ATM: variants seen among roughly 807,000 people sequenced by gnomAD.
The protein encoded by ATM is ATM serine/threonine kinase.
ATM carries 308 observed loss-of-function variants against 387.0 expected under a neutral mutation model. The ratio of observed to expected loss-of-function variants is 0.80; its 90% CI spans 0.73 to 0.87. The LOEUF (loss-of-function observed/expected upper bound fraction) is 0.87. Among genes scored for constraint, ATM ranks in the 40% least tolerant of loss-of-function variants. The probability of loss-of-function intolerance (pLI) is 0.00; values close to 1 mark genes in which losing one functional copy is unlikely to be tolerated. For synonymous variants in ATM, 1,156 were observed against 1,187.3 expected, an observed-to-expected ratio of 0.97 and a Z score of 0.54; for missense variants, 3,312 against 3,560.9, an observed-to-expected ratio of 0.93 and a Z score of 1.78.
intron 37 of ATM, among the ~76,000 whole-genome samples, 181 bp downstream of exon 37, chr11:108,305,033 A>C (rs1197914633): frequency 6.6e-6 from 1 of 152,192 alleles, no homozygotes; most frequent in African/African-American, 2.4e-5. Flanking sequence ...CAATGAAATA[A>C]TGTGTGTAAA....
At chr11:108,326,011 G>T (rs763159103) in intron 46 of ATM, 47 bp from the exon 47 acceptor site, 9 of 1,587,086 alleles carry the variant, frequency 5.7e-6, no homozygotes. Context: ...CATGGTAGTA[G>T]TATCAGTAGT....
intron 57 of ATM, among the ~76,000 whole-genome samples, chr11:108,345,502 A>G (rs900503254): frequency 6.6e-6 from 1 of 152,174 alleles, no homozygotes; most frequent in African/African-American, 2.4e-5. Context: ...TTAGAATTTA[A>G]TCAAAACAAG....
At chr11:108,327,360 T>C in intron 47 of ATM, 1 of 347,696 alleles carries the variant, frequency 2.9e-6, no homozygotes, top group South Asian at 2.9e-5. Context: ...GAGAATTAAA[T>C]GAGTTAATAT....
chr11:108,277,645 AC>A (rs1359819525), intron 22 of ATM, among the ~76,000 whole-genome samples: 1 of 150,898 alleles, frequency 6.6e-6, no homozygotes, highest in Non-Finnish European at 1.5e-5. Context: ...GAGTTCCCCG[AC>A]CCCTTGTGCT....
At position 108,246,960 on chromosome 11, in the gene ATM, A is replaced by C; in HGVS notation, c.902-4A>C. 6.2e-7 allele frequency: 1 copy of C among 1,605,746 alleles called. No individual in the cohort carries two copies. Among genetic ancestry groups the C allele is most frequent in the Non-Finnish European group, 8.5e-7 (1 of 1,174,028 alleles). ...AAATTACATTTTAATTTTTTGGATT[A>C]CAGGTGCTTATGAATCAACAAAATG... On this transcript the variant is annotated splice_polypyrimidine_tract_variant and splice_region_variant and intron_variant, in intron 7 of 62. Coordinates refer to ENST00000675843, the MANE Select transcript of ATM (RefSeq NM_000051.4).
At chr11:108,292,131 A>C (rs1449319175) in intron 29 of ATM, among the ~76,000 whole-genome samples, 1 of 152,236 alleles carries the variant, frequency 6.6e-6, no homozygotes, top group African/African-American at 2.4e-5. Context: ...GGTTCCAGAC[A>C]GGTTAGAATA....
At chr11:108,358,763 C>A (rs1042740462) in intron 61 of ATM, among the ~76,000 whole-genome samples, 8 of 148,110 alleles carry the variant, frequency 5.4e-5, no homozygotes, top group Admixed American at 2.7e-4. Context: ...TTTGTCACCA[C>A]CAGGCCTACC....
chr11:108,227,272 A>T (rs1010936091), intron 1 of ATM: 1 of 200,672 alleles, frequency 5.0e-6, no homozygotes. Flanking sequence ...TGGCCTCCCA[A>T]AGTGCTGGGA....
chr11:108,265,343 T>A (rs2081165293), intron 16 of ATM, among the ~76,000 whole-genome samples: 1 of 152,142 alleles, frequency 6.6e-6, no homozygotes, highest in Non-Finnish European at 1.5e-5. Flanking sequence ...TCTACAACTA[T>A]CTGCTCTTTG....
intron 16 of ATM, among the ~76,000 whole-genome samples, chr11:108,266,469 A>G: frequency 7.9e-6 from 1 of 126,048 alleles, no homozygotes. Context: ...GGAATATCAC[A>G]CTCTGTGGAC....
At chr11:108,328,235 C>T (rs150654370) in intron 48 of ATM, among the ~76,000 whole-genome samples, 1 of 152,014 alleles carries the variant, frequency 6.6e-6, no homozygotes, top group East Asian at 1.9e-4. Flanking sequence ...ACACATGATG[C>T]GATTGTCTTT....
At chr11:108,323,384 C>G (rs1053372634) in intron 45 of ATM, among the ~76,000 whole-genome samples, 1 of 151,882 alleles carries the variant, frequency 6.6e-6, no homozygotes. Flanking sequence ...ATGGTAGTAA[C>G]CAGAGGCAGG....
chr11:108,295,404 A>G (rs1192562446), intron 32 of ATM: 1 of 274,296 alleles, frequency 3.6e-6, no homozygotes, highest in Non-Finnish European at 7.0e-6. Flanking sequence ...ATAACTTACT[A>G]TGACCTTGAA....
At chr11:108,295,156 T>G in intron 32 of ATM, 97 bp downstream of exon 32, 1 of 1,489,602 alleles carries the variant, frequency 6.7e-7, no homozygotes, top group Non-Finnish European at 9.3e-7. Flanking sequence ...ACAGACTTAG[T>G]TCAGACTCTC....
rs2087666965 is a variant in ATM at position 108,342,182 on chromosome 11, GA to G, written c.8269-1038del. On this transcript the variant is annotated intron_variant, in intron 56 of 62. Transcript: ENST00000675843. ...GGCAATTCTTCCAGTGTGGCCCAGG[GA>G]ATCCAAAAGATTGGACACCCCTGCC... 2.6e-5 allele frequency among the ~76,000 whole-genome samples: 4 copies of G among 152,182 alleles called. No individual in the cohort carries two copies. In the South Asian group the frequency reaches 8.3e-4, roughly 32 times the overall value.
chr11:108,359,023 C>G (rs1288175421), intron 61 of ATM, among the ~76,000 whole-genome samples: 1 of 150,184 alleles, frequency 6.7e-6, no homozygotes, highest in African/African-American at 2.4e-5. Context: ...GAGTCAAGAC[C>G]CATCAGTGTG....
At position 108,330,251 on chromosome 11, in the gene ATM, G is replaced by A. The variant is rs2136454078; in HGVS notation, c.7345G>A (p.Glu2449Lys). ...GGTTCAGCGAGAGCTGGAGTTGGATGAATTAGCCCTGCGTGCACTGAAAGA... is the reference window on the plus strand; with the variant it reads ...GGTTCAGCGAGAGCTGGAGTTGGATAAATTAGCCCTGCGTGCACTGAAAGA... Reference protein sequence around the residue: ...VKVQRELELDELALRALKEDR... With the variant: ...VKVQRELELDKLALRALKEDR... Residue 2449 changes from glutamate (E) to lysine (K), a missense_variant, in exon 50 of 63, where the codon GAA (glutamate) becomes AAA (lysine). By Grantham distance (56) the Glu-to-Lys change is moderately conservative. Around this residue, in one of 4 missense-constraint regions of ATM, gnomAD observed 1,405 missense variants for 1,604.4 expected, o/e 0.88. Transcript: ENST00000675843. 1 of 1,614,190 alleles carries A rather than the reference G, an allele frequency of 6.2e-7. No individual in the cohort carries two copies. The highest frequency in any genetic ancestry group is 8.5e-7 in the Non-Finnish European group (1 of 1,180,026).
intron 61 of ATM, among the ~76,000 whole-genome samples, chr11:108,363,212 T>G (rs227093): frequency 5.9e-5 from 9 of 151,896 alleles, no homozygotes; most frequent in Non-Finnish European, 1.3e-4. Context: ...GGGACATCAT[T>G]TCTTTCCTCT....
chr11:108,260,605 T>G (rs1005923203), intron 16 of ATM, among the ~76,000 whole-genome samples: 1 of 152,220 alleles, frequency 6.6e-6, no homozygotes, highest in African/African-American at 2.4e-5. Flanking sequence ...TTACAAAACT[T>G]CTTAATATAA....
Sources: allele counts gnomAD v4.1 joint callset (sites outside exome capture counted in the v4.1 genomes callset), GRCh38; gene constraint gnomAD v4.1.1; regional missense constraint gnomAD v4.1.1; transcripts MANE v1.5; gene names NCBI Gene and HGNC (gene_info 2026-07-23, HGNC 2026-07-21).